The following DNAI4 variants were observed in gnomAD, a reference collection of about 807,000 sequenced individuals.
DNAI4 encodes the protein dynein axonemal intermediate chain 4.
In DNAI4, 85 loss-of-function variants were observed where a neutral mutation model predicts 105.8. The observed-to-expected ratio is 0.80, with a 90% CI of 0.67 to 0.96. The LOEUF is 0.96. Ranked by LOEUF, DNAI4 falls within the 40% of genes least tolerant of loss-of-function variation. The pLI is 0.00. For missense variants in DNAI4, 1,014 were observed against 1,005.6 expected (o/e 1.01, Z -0.11); for synonymous variants, 352 against 331.5 (o/e 1.06, Z -0.67).
intron 7 of DNAI4, among the ~76,000 whole-genome samples, chr1:66,852,338 T>A (rs1646413696): frequency 6.6e-6 from 1 of 151,974 alleles, no homozygotes; most frequent in Non-Finnish European, 1.5e-5. Flanking sequence ...ACATAACCTT[T>A]TCCAAAAATA....
chr1:66,924,685 A>G lies in DNAI4; in HGVS notation c.147T>C (p.Ser49=), dbSNP rs1258608953. 3 of 1,614,070 alleles carry G rather than the reference A, an allele frequency of 1.9e-6. No homozygotes were observed. Among genetic ancestry groups the G allele is most frequent in the African/African-American group, 2.7e-5 (2 of 74,922 alleles). The change falls in exon 1 of 17, where the codon AGT becomes AGC. Residue 49 remains serine, a synonymous_variant. Transcript: ENST00000371026. The stretch of plus-strand genomic sequence containing the variant: ...ACAACCCGAAGTTCTGCTGCTTGTG[A>G]CTGCCTGCCGGAGAGACTGGCATGG... The part of the protein sequence containing the change: ...VATMPVSPAG[S]HKQQNFGLNN...
chr1:66,908,531 G>T (rs1045378422), intron 1 of DNAI4, among the ~76,000 whole-genome samples: 13 of 152,148 alleles, frequency 8.5e-5, no homozygotes, highest in Non-Finnish European at 5.9e-5. Context: ...ATTACTTCTG[G>T]GTAGTCCCCT....
At chr1:66,846,567 G>C (rs1646280115) in intron 8 of DNAI4, among the ~76,000 whole-genome samples, 1 of 152,160 alleles carries the variant, frequency 6.6e-6, no homozygotes, top group African/African-American at 2.4e-5. Flanking sequence ...CTAACTTTTA[G>C]AGTCTCCAAA....
At chr1:66,831,870 T>A (rs1489249805) in intron 13 of DNAI4, among the ~76,000 whole-genome samples, 4 of 152,180 alleles carry the variant, frequency 2.6e-5, no homozygotes, top group African/African-American at 9.7e-5. Context: ...TTGAATTCCT[T>A]ATGCAAAGGA....
At position 66,862,185 on chromosome 1, in the gene DNAI4, T is replaced by C. The variant is rs1369817934; in HGVS notation, c.1058A>G (p.Asp353Gly). Residue 353 changes from aspartate to glycine, a missense_variant, in exon 7 of 17, where the codon GAT becomes GGT. By Grantham distance (94) the Asp-to-Gly change is moderately conservative. Transcript: ENST00000371026. ...SSSKANVLPK[D>G]QDQRLPGSTT... The stretch of plus-strand genomic sequence containing the variant: ...GCTCCCTGGCAATCTTTGGTCCTGA[T>C]CTTTAGGAAGTACATTTGCTTTACT... 1.2e-6 allele frequency: 2 copies of C among 1,603,556 alleles called. No homozygotes were observed. Among genetic ancestry groups the C allele is most frequent in the Admixed American group, 1.7e-5 (1 of 57,710 alleles).
chr1:66,876,014 G>A (rs1051643095), intron 4 of DNAI4, among the ~76,000 whole-genome samples: 1 of 152,050 alleles, frequency 6.6e-6, no homozygotes, highest in Non-Finnish European at 1.5e-5. Context: ...ACAAGGTCAG[G>A]AAACAGAAAA....
intron 2 of DNAI4, chr1:66,904,745 C>G (rs1027567130): frequency 2.6e-5 from 4 of 154,060 alleles, no homozygotes; most frequent in African/African-American, 9.6e-5. Flanking sequence ...TAAACAAATG[C>G]TGAACCCATT....
At chr1:66,920,160 G>T (rs1650361730) in intron 1 of DNAI4, among the ~76,000 whole-genome samples, 1 of 152,164 alleles carries the variant, frequency 6.6e-6, no homozygotes, top group South Asian at 2.1e-4. Context: ...GAAGCAGCTG[G>T]ACGTTGGAAG....
chr1:66,923,363 G>A (rs1233951582), intron 1 of DNAI4, among the ~76,000 whole-genome samples: 1 of 152,128 alleles, frequency 6.6e-6, no homozygotes, highest in East Asian at 1.9e-4. Context: ...GAAGATATTT[G>A]CAAAATGCTG....
In DNAI4 at chr1:66,833,992, A is replaced by G. The variant is rs144581231; in HGVS notation, c.1890T>C (p.Tyr630=). 9.5e-6 allele frequency: 15 copies of G among 1,582,718 alleles called. No individual in the cohort carries two copies. The highest frequency in any genetic ancestry group is 3.5e-5 in the South Asian group (3 of 84,620). Residue 630 remains tyrosine, a splice_region_variant and synonymous_variant, in exon 12 of 17, where the codon TAT becomes TAC. Transcript: ENST00000371026. The part of the protein sequence containing the change: ...KWVIRKGLDC[Y]DLMRLKRTTA... ...AATATAACTTGATTTTTCTTTTACCATAACAGTCTAGTCCTTTTCGTATAA... is the reference window on the plus strand; with the variant it reads ...AATATAACTTGATTTTTCTTTTACCGTAACAGTCTAGTCCTTTTCGTATAA...
At chr1:66,858,045 C>T (rs1397766822) in intron 7 of DNAI4, among the ~76,000 whole-genome samples, 1 of 152,086 alleles carries the variant, frequency 6.6e-6, no homozygotes, top group East Asian at 1.9e-4. Context: ...TAGAAAGCAT[C>T]ATGCTTTCAC....
At chr1:66,873,836 C>CT (rs1262589490) in intron 5 of DNAI4, among the ~76,000 whole-genome samples, 2 of 125,940 alleles carry the variant, frequency 1.6e-5, no homozygotes, top group African/African-American at 3.0e-5. Flanking sequence ...CTGTCCCTTT[C>CT]TTTTTTCCCT....
chr1:66,852,651 T>C (rs964941525), intron 7 of DNAI4, among the ~76,000 whole-genome samples: 3 of 151,916 alleles, frequency 2.0e-5, no homozygotes, highest in African/African-American at 7.3e-5. Flanking sequence ...AAAAATCACT[T>C]GACAAATCAA....
At chr1:66,886,978 G>C (rs1337430163) in intron 4 of DNAI4, among the ~76,000 whole-genome samples, 1 of 134,418 alleles carries the variant, frequency 7.4e-6, no homozygotes, top group South Asian at 2.3e-4. Flanking sequence ...TAGAAAAAAA[G>C]GGGAAGGAGT....
At chr1:66,907,825 T>C (rs999875722) in intron 1 of DNAI4, among the ~76,000 whole-genome samples, 2 of 152,226 alleles carry the variant, frequency 1.3e-5, no homozygotes, top group African/African-American at 4.8e-5. Context: ...GTCATACATG[T>C]GGCTTTTGTT....
chr1:66,844,987 A>G (rs887320310), intron 8 of DNAI4, among the ~76,000 whole-genome samples: 3 of 151,998 alleles, frequency 2.0e-5, no homozygotes, highest in Non-Finnish European at 4.4e-5. Context: ...TGAGGTCAAG[A>G]GTTCGAGACC....
rs924799148 is a variant in DNAI4 at position 66,856,205 on chromosome 1, C to T, written c.1096+5942G>A. Among the ~76,000 whole-genome samples, 5 of 151,616 alleles carry T rather than the reference C, an allele frequency of 3.3e-5. No individual in the cohort carries two copies. In the East Asian group the frequency reaches 7.9e-4, roughly 24 times the overall value. On this transcript the variant is annotated intron_variant, in intron 7 of 16. Coordinates refer to ENST00000371026, the MANE Select transcript of DNAI4 (RefSeq NM_024763.5). ...CACTTATAGGCGGGGCACAGTGGCT[C>T]AAGCCTGTAATCCCAGCACTTTGGG...
intron 7 of DNAI4, among the ~76,000 whole-genome samples, chr1:66,849,534 G>A (rs151185119): frequency 1.2e-3 from 182 of 152,210 alleles, no homozygotes; most frequent in African/African-American, 4.1e-3. Flanking sequence ...CAAGAACCAC[G>A]AAAATGTTAA....
rs1054776654 is a variant in DNAI4, at chr1:66,840,560, A to G, written c.1403T>C (p.Ile468Thr). Reference protein sequence around the residue: ...EEEIHAEESTIPANLERLWSF... With the variant: ...EEEIHAEESTTPANLERLWSF... ...CCAAAGTCGTTCCAAGTTGGCGGGT[A>G]TTGTTGATTCTTCTGCATGTATTTC... is the stretch of plus-strand genomic sequence containing the variant. The change falls in exon 9 of 17, where the codon ATA becomes ACA. Residue 468 changes from isoleucine to threonine, a missense_variant. Transcript: ENST00000371026. The G allele has an allele frequency of 5.0e-6, 8 of 1,614,050 alleles. No homozygotes were observed. Among genetic ancestry groups the G allele is most frequent in the Non-Finnish European group, 5.9e-6 (7 of 1,180,040 alleles).
Sources: gnomAD v4.1 joint callset for allele counts (sites outside exome capture counted in the v4.1 genomes callset) on GRCh38, gnomAD v4.1.1 for gene constraint, MANE v1.5 for transcripts, NCBI Gene and HGNC (gene_info 2026-07-23, HGNC 2026-07-21) for gene names.